SETD2: variants seen among roughly 807,000 people sequenced by gnomAD.
SETD2 encodes histone-lysine N-methyltransferase SETD2.
SETD2 carries 31 observed loss-of-function variants against 242.1 expected under a neutral mutation model. The ratio of observed to expected loss-of-function variants is 0.13; its 90% confidence interval spans 0.10 to 0.17. SETD2 has a LOEUF of 0.17. SETD2 is among the 10% of genes least tolerant of loss of function. The pLI is 1.00. For synonymous variants in SETD2, 1,006 were observed against 1,066.5 expected, an observed-to-expected ratio of 0.94 and a Z score of 1.11; for missense variants, 2,481 against 3,046.3, an observed-to-expected ratio of 0.81 and a Z score of 4.37.
At chr3:47,088,371 A>G (rs1206864104) in intron 9 of SETD2, 124 bp from the exon 10 acceptor site, 1 of 880,692 alleles carries the variant, frequency 1.1e-6, no homozygotes, top group Admixed American at 2.6e-5. Flanking sequence ...CAAACTGGGA[A>G]AGTACTAGAC....
At chr3:47,030,476 T>C (rs1207020446) in intron 18 of SETD2, among the ~76,000 whole-genome samples, 3 of 152,216 alleles carry the variant, frequency 2.0e-5, no homozygotes, top group South Asian at 4.1e-4. Flanking sequence ...ATGTATGTAA[T>C]TGGAGTCCCA....
intron 5 of SETD2, among the ~76,000 whole-genome samples, chr3:47,110,351 G>A (rs1387222351): frequency 1.3e-5 from 2 of 152,170 alleles, no homozygotes; most frequent in African/African-American, 4.8e-5. Context: ...GACAAAAGTG[G>A]CAGTTGCACA....
intron 18 of SETD2, among the ~76,000 whole-genome samples, chr3:47,033,633 T>C (rs1048090609): frequency 2.0e-5 from 3 of 148,520 alleles, no homozygotes; most frequent in African/African-American, 7.4e-5. Flanking sequence ...ACTAAAGTTA[T>C]AAGCCCTGTC....
At chr3:47,084,864 G>A (rs1021990572) in intron 11 of SETD2, among the ~76,000 whole-genome samples, 6 of 151,678 alleles carry the variant, frequency 4.0e-5, no homozygotes, top group Non-Finnish European at 7.4e-5. Context: ...CCGAGGAGCT[G>A]GGATTACAGG....
intron 17 of SETD2, among the ~76,000 whole-genome samples, chr3:47,039,492 C>T (rs568678698): frequency 1.3e-5 from 2 of 151,996 alleles, no homozygotes; most frequent in Admixed American, 6.5e-5. Context: ...GGACTACAGG[C>T]GTAAGCCACC....
intron 18 of SETD2, among the ~76,000 whole-genome samples, chr3:47,020,104 G>T (rs1353541037): frequency 6.6e-6 from 1 of 152,058 alleles, no homozygotes; most frequent in Non-Finnish European, 1.5e-5. Flanking sequence ...CTTTGATATA[G>T]CCACACATTT....
At chr3:47,107,541 C>T (rs547245986) in intron 5 of SETD2, among the ~76,000 whole-genome samples, 1 of 152,054 alleles carries the variant, frequency 6.6e-6, no homozygotes, top group Middle Eastern at 3.4e-3. Context: ...ATGGGTAAAC[C>T]TAGAAAGTCA....
rs2106727955 is a variant in SETD2, at chr3:47,124,431, C to T, written c.205G>A (p.Gly69Arg). The change falls in exon 3 of 21, where the codon GGA becomes AGA. Residue 69 changes from glycine (G) to arginine (R), a missense_variant. Physicochemically the swap from Gly to Arg is moderately radical, Grantham distance 125. Coordinates refer to ENST00000409792, the MANE Select transcript of SETD2 (RefSeq NM_014159.7). ...AAGCTGAATGACACCTTCTGTCGTC[C>T]CTGTTCTTCCAAATTAACTTTTGTT... ...TKTKVNLEEQ[G>R]RQKVSFSFSL... 1 of 1,551,918 alleles carries T rather than the reference C, an allele frequency of 6.4e-7. No individual in the cohort carries two copies. Among genetic ancestry groups the T allele is most frequent in the Non-Finnish European group, 8.7e-7 (1 of 1,147,062 alleles).
chr3:47,022,103 G>A (rs1487045063), intron 18 of SETD2, among the ~76,000 whole-genome samples: 1 of 150,940 alleles, frequency 6.6e-6, no homozygotes, highest in African/African-American at 2.4e-5. Flanking sequence ...GCTGAGGCAG[G>A]AGAATCGTTT....
At chr3:47,163,715 T>C in intron 1 of SETD2, 139 bp downstream of exon 1, 1 of 667,960 alleles carries the variant, frequency 1.5e-6, no homozygotes. Flanking sequence ...GCGGGCCTGC[T>C]CCCGACACCG....
intron 1 of SETD2, among the ~76,000 whole-genome samples, chr3:47,154,357 C>A (rs913570291): frequency 6.6e-6 from 1 of 151,528 alleles, no homozygotes; most frequent in Non-Finnish European, 1.5e-5. Context: ...TGCAGTGAGC[C>A]GAGATTGTGC....
Position 47,017,586 on chromosome 3 carries a change from C to T in SETD2, c.7533+52G>A, listed in dbSNP as rs1167500928. The T allele has an allele frequency of 1.3e-5, 17 of 1,270,180 alleles. 1 individual carries two copies. Among genetic ancestry groups the T allele is most frequent in the Middle Eastern group, 3.7e-4 (2 of 5,392 alleles). The allele number at this position is 1,270,180 out of a possible 1,614,324, so 78.7% of individuals were successfully genotyped here. A position where few individuals can be genotyped will look rare whatever the true frequency, so the allele number is the denominator to read the frequency against. ...GATGAAAAGGGCTTCTTAGAAGGTACACAGTTTGCCCAGAACATTGCCTGG... is the reference window on the plus strand; with the variant it reads ...GATGAAAAGGGCTTCTTAGAAGGTATACAGTTTGCCCAGAACATTGCCTGG... On this transcript the variant is annotated intron_variant, in intron 20 of 20. Transcript: ENST00000409792. This position sits in a 1 kb window ranked among gnomAD's most constrained non-coding sequence, Gnocchi z 4.8.
intron 15 of SETD2, among the ~76,000 whole-genome samples, chr3:47,051,477 T>C (rs898122111): frequency 5.3e-5 from 8 of 152,148 alleles, no homozygotes; most frequent in African/African-American, 1.7e-4. Flanking sequence ...TCAAAATATG[T>C]CAGATCACGC....
At chr3:47,117,261 C>CAAAAA (rs5848820) in intron 3 of SETD2, among the ~76,000 whole-genome samples, 25 of 66,430 alleles carry the variant, frequency 3.8e-4, no homozygotes, top group African/African-American at 9.6e-4. Context: ...CCTGCATTAC[C>CAAAAA]AAAAAAAAAA....
At chr3:47,089,505 A>G (rs1303228189) in intron 9 of SETD2, among the ~76,000 whole-genome samples, 1 of 152,190 alleles carries the variant, frequency 6.6e-6, no homozygotes, top group African/African-American at 2.4e-5. Context: ...CTAGGTAGGG[A>G]GAAGGAAGCA....
intron 12 of SETD2, among the ~76,000 whole-genome samples, chr3:47,069,892 A>T (rs1245069258): frequency 1.3e-5 from 2 of 152,058 alleles, no homozygotes; most frequent in African/African-American, 4.8e-5. Flanking sequence ...CCATCTACCC[A>T]CACTATAAGG....
chr3:47,146,002 CG>C (rs1559764720), intron 1 of SETD2, among the ~76,000 whole-genome samples: 61 of 117,656 alleles, frequency 5.2e-4, no homozygotes, highest in African/African-American at 2.0e-3. Context: ...GGTGACAGAG[CG>C]AGACCCTGTC....
Position 47,062,256 on chromosome 3 carries a change from T to C in SETD2, c.6200A>G (p.Lys2067Arg), listed in dbSNP as rs2107589280. The C allele has an allele frequency of 6.2e-6, 10 of 1,614,162 alleles. No individual in the cohort carries two copies. Among genetic ancestry groups the C allele is most frequent in the Non-Finnish European group, 6.8e-6 (8 of 1,180,014 alleles). ...CCTTTTCTCTTTATTTTGAGTTTGC[T>C]TGTCTGGGTCTCTCTCTCTTGACCT... ...PNRSRERDPD[K>R]QTQNKEKRKR... Residue 2067 changes from lysine to arginine, a missense_variant, in exon 14 of 21, where the codon AAG becomes AGG. Physicochemically the swap from Lys to Arg is conservative, Grantham distance 26 (BLOSUM62 2). Coordinates refer to ENST00000409792, the MANE Select transcript of SETD2 (RefSeq NM_014159.7).
rs2106668066 is a variant in SETD2 at position 47,122,064 on chromosome 3, T to C, written c.2572A>G (p.Ser858Gly). Reference protein sequence around the residue: ...ACEEYKQSIGSTSSASVNHFD... With the variant: ...ACEEYKQSIGGTSSASVNHFD... ...TGATTAACAGAAGCTGAACTAGTGC[T>C]ACCGATGCTCTGCTTATATTCTTCA... Residue 858 changes from serine (S) to glycine (G), a missense_variant, in exon 3 of 21, where the codon AGC (serine) becomes GGC (glycine). Transcript: ENST00000409792. 1 of 1,613,896 alleles carries C rather than the reference T, an allele frequency of 6.2e-7. No homozygotes were observed. The highest frequency in any genetic ancestry group is 8.5e-7 in the Non-Finnish European group (1 of 1,179,944).
Sources: allele counts gnomAD v4.1 joint callset (sites outside exome capture counted in the v4.1 genomes callset), GRCh38; gene constraint gnomAD v4.1.1; non-coding constraint Gnocchi (gnomAD v3.1); transcripts MANE v1.5; gene names NCBI Gene and HGNC (gene_info 2026-07-23, HGNC 2026-07-21).